CNTNAP5: variants seen among roughly 807,000 people sequenced by gnomAD.
The protein encoded by CNTNAP5 is contactin associated protein family member 5.
A neutral mutation model predicts 150.2 loss-of-function variants in CNTNAP5; 72 were observed. The observed-to-expected ratio is 0.48, with a 90% CI of 0.40 to 0.58. CNTNAP5 has a LOEUF of 0.58. Ranked by LOEUF, CNTNAP5 falls within the 20% of genes least tolerant of loss-of-function variation. The pLI is 0.00. For synonymous variants in CNTNAP5, 672 were observed against 619.8 expected (o/e 1.08, Z -1.25); for missense variants, 1,636 against 1,626.2 (o/e 1.01, Z -0.10).
chr2:124,305,102 C>CA (rs1414552768), intron 3 of CNTNAP5, among the ~76,000 whole-genome samples: 3 of 17,142 alleles, frequency 1.8e-4, no homozygotes, highest in African/African-American at 7.6e-4. Flanking sequence ...TCCATCTGTA[C>CA]AAAAAATACA....
intron 11 of CNTNAP5, among the ~76,000 whole-genome samples, chr2:124,602,338 C>CA (rs35316532): frequency 0.02 from 1,796 of 89,656 alleles, 28 homozygotes; most frequent in East Asian, 0.065. Context: ...AAGACTTCAC[C>CA]AAAAAAAAAA....
chr2:124,385,779 C>A (rs1690911848), intron 3 of CNTNAP5, among the ~76,000 whole-genome samples: 1 of 152,190 alleles, frequency 6.6e-6, no homozygotes, highest in Admixed American at 6.5e-5. Context: ...GGCAAGAAAA[C>A]TGTCCCATCC....
intron 10 of CNTNAP5, among the ~76,000 whole-genome samples, chr2:124,532,861 G>A (rs911835060): frequency 1.3e-5 from 2 of 152,164 alleles, no homozygotes; most frequent in Non-Finnish European, 2.9e-5. Flanking sequence ...GAATGCGGTA[G>A]ATGCTCAGTA....
chr2:124,719,311 A>G (rs1205301307), intron 13 of CNTNAP5, among the ~76,000 whole-genome samples: 4 of 152,150 alleles, frequency 2.6e-5, no homozygotes, highest in Non-Finnish European at 5.9e-5. Flanking sequence ...TTAATTCCTC[A>G]TTGTCTCTTG....
intron 1 of CNTNAP5, among the ~76,000 whole-genome samples, chr2:124,172,779 CTGTGTGTG>C (rs59743272): frequency 1.9e-4 from 29 of 149,244 alleles, no homozygotes; most frequent in South Asian, 4.3e-4. Flanking sequence ...CTCTCTCTCT[CTGTGTGTG>C]TGTGTGTGTG....
chr2:124,300,701 G>C (rs1351871362), intron 3 of CNTNAP5, among the ~76,000 whole-genome samples: 1 of 152,178 alleles, frequency 6.6e-6, no homozygotes, highest in Non-Finnish European at 1.5e-5. Context: ...GTAGGGCCAG[G>C]AACTTTTTCA....
intron 3 of CNTNAP5, among the ~76,000 whole-genome samples, chr2:124,258,557 C>A (rs1162194184): frequency 1.3e-5 from 2 of 152,114 alleles, no homozygotes; most frequent in East Asian, 1.9e-4. Flanking sequence ...GACTGGGGAA[C>A]AATACTGCAT....
chr2:124,156,875 T>C (rs1419034260), intron 1 of CNTNAP5, among the ~76,000 whole-genome samples: 1 of 152,170 alleles, frequency 6.6e-6, no homozygotes, highest in African/African-American at 2.4e-5. Flanking sequence ...CATGATCTAG[T>C]GAAGTCACTG....
At chr2:124,358,848 T>C (rs1199155106) in intron 3 of CNTNAP5, among the ~76,000 whole-genome samples, 1 of 150,694 alleles carries the variant, frequency 6.6e-6, no homozygotes, top group Non-Finnish European at 1.5e-5. Flanking sequence ...TCCCTCTTTT[T>C]CTATTGATTG....
At chr2:124,391,401 G>A (rs530423791) in intron 3 of CNTNAP5, among the ~76,000 whole-genome samples, 142 of 152,232 alleles carry the variant, frequency 9.3e-4, no homozygotes, top group African/African-American at 3.2e-3. Flanking sequence ...TGATAAAGTC[G>A]TCTTTGTGAT....
At chr2:124,451,051 A>ATATGT (rs1553469334) in intron 6 of CNTNAP5, among the ~76,000 whole-genome samples, 1 of 65,308 alleles carries the variant, frequency 1.5e-5, no homozygotes, top group African/African-American at 7.2e-5. Context: ...AAAAAAAAAA[A>ATATGT]ATATATATAT....
intron 17 of CNTNAP5, among the ~76,000 whole-genome samples, chr2:124,784,160 G>A (rs558469746): frequency 6.6e-6 from 1 of 152,158 alleles, no homozygotes; most frequent in African/African-American, 2.4e-5. Context: ...AAGGCAGGAA[G>A]AAAGGTGGGA....
rs1678728175 is a variant in CNTNAP5, at chr2:124,914,749, G to A, written c.*461G>A. ...CCCAGGGCAGGGAGAGAAGAACCTA[G>A]AGGCCTGGTTTGCTTTGGTGGCATT... On this transcript the variant is annotated 3_prime_UTR_variant, in exon 24 of 24. Transcript: ENST00000682447. 6.5e-6 allele frequency: 1 copy of A among 153,100 alleles called. No individual in the cohort carries two copies. Among genetic ancestry groups the A allele is most frequent in the Admixed American group, 6.5e-5 (1 of 15,298 alleles). The allele number at this position is 153,100 out of a possible 1,614,324, so 9.5% of individuals were successfully genotyped here.
intron 21 of CNTNAP5, among the ~76,000 whole-genome samples, chr2:124,894,035 TA>T (rs540797150): frequency 1.3e-5 from 2 of 152,158 alleles, no homozygotes; most frequent in Admixed American, 6.5e-5. Flanking sequence ...ACATATGTGT[TA>T]AAAAATCTCA....
intron 13 of CNTNAP5, among the ~76,000 whole-genome samples, chr2:124,698,044 A>T (rs1679439048): frequency 6.6e-6 from 1 of 152,084 alleles, no homozygotes. Context: ...ACATCCTGGA[A>T]GCCCTTTTTG....
At chr2:124,230,574 C>T (rs765490365) in intron 2 of CNTNAP5, among the ~76,000 whole-genome samples, 1 of 151,552 alleles carries the variant, frequency 6.6e-6, no homozygotes, top group East Asian at 1.9e-4. Context: ...CTCTGTCACC[C>T]AGGCTGGGGT....
intron 4 of CNTNAP5, among the ~76,000 whole-genome samples, chr2:124,428,058 T>C (rs1415468908): frequency 6.6e-6 from 1 of 152,216 alleles, no homozygotes; most frequent in Non-Finnish European, 1.5e-5. Flanking sequence ...GTTTGATTCC[T>C]GATAGATCCT....
chr2:124,414,973 CAG>C (rs1691880526), intron 3 of CNTNAP5, among the ~76,000 whole-genome samples: 1 of 152,104 alleles, frequency 6.6e-6, no homozygotes, highest in Non-Finnish European at 1.5e-5. Flanking sequence ...CTACCCAAAA[CAG>C]TAAGAAACCA....
chr2:124,192,801 C>T (rs540052058), intron 1 of CNTNAP5, among the ~76,000 whole-genome samples: 1 of 152,252 alleles, frequency 6.6e-6, no homozygotes, highest in African/African-American at 2.4e-5. Flanking sequence ...TCCCCAAAAA[C>T]TCCTTCTTCT....
Sources: allele counts gnomAD v4.1 joint callset (sites outside exome capture counted in the v4.1 genomes callset), GRCh38; gene constraint gnomAD v4.1.1; transcripts MANE v1.5; gene names NCBI Gene and HGNC (gene_info 2026-07-23, HGNC 2026-07-21).